Variants in MAF observed in about 807,000 individuals in gnomAD.
MAF encodes transcription factor Maf.
In MAF, 10 loss-of-function variants were observed where a neutral mutation model predicts 22.0. The observed-to-expected ratio is 0.45, with a 90% confidence interval of 0.28 to 0.77. The LOEUF is 0.77. Among genes scored for constraint, MAF ranks in the 30% least tolerant of loss-of-function variants. The pLI is 0.12. For missense variants in MAF, 544 were observed against 548.4 expected, an observed-to-expected ratio of 0.99 and a Z score of 0.08; for synonymous variants, 337 against 255.8, an observed-to-expected ratio of 1.32 and a Z score of -3.03.
the MAF span, among the ~76,000 whole-genome samples, chr16:79,422,960 A>G: frequency 0.39 from 59,791 of 151,780 alleles, 12,186 homozygotes; most frequent in East Asian, 0.73. Flanking sequence ...TGGAGTGACA[A>G]AGTGCCTGGA....
At chr16:79,542,050 A>G in the MAF span, among the ~76,000 whole-genome samples, 203 of 152,274 alleles carry the variant, frequency 1.3e-3, 1 homozygote, top group African/African-American at 4.3e-3. Flanking sequence ...ATAAAAAGCT[A>G]AGCTGGTTGG....
the MAF span, among the ~76,000 whole-genome samples, chr16:79,462,448 G>A: frequency 6.6e-6 from 1 of 151,814 alleles, no homozygotes; most frequent in Non-Finnish European, 1.5e-5. Flanking sequence ...CCATTGCTCT[G>A]AGTTTAATGT....
At chr16:79,526,137 G>A in the MAF span, among the ~76,000 whole-genome samples, 1,779 of 152,280 alleles carry the variant, frequency 0.012, 39 homozygotes, top group African/African-American at 0.041. Flanking sequence ...CACACCAACT[G>A]TCGGTTCTGA....
chr16:79,211,623 A>G, the MAF span: 1 of 1,614,126 alleles, frequency 6.2e-7, no homozygotes, highest in Non-Finnish European at 8.5e-7. Flanking sequence ...GGGAGCTGCC[A>G]CCACCGTGTA....
chr16:79,228,132 G>A, the MAF span, among the ~76,000 whole-genome samples: 1 of 152,038 alleles, frequency 6.6e-6, no homozygotes, highest in Non-Finnish European at 1.5e-5. Flanking sequence ...CCAACTCCTA[G>A]CCTCAAGTGA....
At chr16:79,452,789 ACCT>A in the MAF span, among the ~76,000 whole-genome samples, 1 of 152,028 alleles carries the variant, frequency 6.6e-6, no homozygotes, top group African/African-American at 2.4e-5. Context: ...CCCTGCTCAC[ACCT>A]CCTCCAGTTG....
chr16:79,466,225 C>T, the MAF span, among the ~76,000 whole-genome samples: 1 of 152,152 alleles, frequency 6.6e-6, no homozygotes, highest in African/African-American at 2.4e-5. Flanking sequence ...CCCTCTAGAC[C>T]CACCCTCTCA....
the MAF span, among the ~76,000 whole-genome samples, chr16:79,531,475 GAATT>G: frequency 5.3e-5 from 8 of 151,898 alleles, no homozygotes; most frequent in African/African-American, 1.5e-4. Context: ...AATATATAAT[GAATT>G]AATTATACAA....
the MAF span, among the ~76,000 whole-genome samples, chr16:79,396,924 G>C: frequency 6.6e-6 from 1 of 152,242 alleles, no homozygotes; most frequent in African/African-American, 2.4e-5. Flanking sequence ...CCCTAGCTCT[G>C]CAGTGGCCAG....
At chr16:79,507,343 C>T in the MAF span, among the ~76,000 whole-genome samples, 1 of 150,854 alleles carries the variant, frequency 6.6e-6, no homozygotes, top group East Asian at 2.0e-4. Flanking sequence ...GTCTTGATCT[C>T]CTGACATTGT....
At chr16:79,467,925 G>C in the MAF span, among the ~76,000 whole-genome samples, 2 of 151,964 alleles carry the variant, frequency 1.3e-5, no homozygotes, top group Non-Finnish European at 2.9e-5. Context: ...ATGATGCTTT[G>C]GGGGTGGTGG....
chr16:79,491,327 G>A, the MAF span, among the ~76,000 whole-genome samples: 31 of 152,258 alleles, frequency 2.0e-4, no homozygotes, highest in Non-Finnish European at 3.4e-4. Context: ...AAATTAACCA[G>A]AACTTAGATG....
the MAF span, among the ~76,000 whole-genome samples, chr16:79,579,595 C>G: frequency 6.6e-6 from 1 of 152,152 alleles, no homozygotes; most frequent in African/African-American, 2.4e-5. Flanking sequence ...AGAAAAGAAA[C>G]AATAAAAGGA....
chr16:79,259,515 C>T, the MAF span, among the ~76,000 whole-genome samples: 40 of 152,166 alleles, frequency 2.6e-4, no homozygotes, highest in African/African-American at 9.7e-4. Context: ...AAGTGCTTGT[C>T]CTTCATGGCC....
the MAF span, among the ~76,000 whole-genome samples, chr16:79,485,504 G>T: frequency 1.3e-5 from 2 of 152,150 alleles, no homozygotes; most frequent in Non-Finnish European, 2.9e-5. Flanking sequence ...TCTGATAACC[G>T]TCTCTGAGCC....
At chr16:79,216,141 G>A in the MAF span, among the ~76,000 whole-genome samples, 1 of 151,192 alleles carries the variant, frequency 6.6e-6, no homozygotes, top group African/African-American at 2.5e-5. Context: ...ATATGTATAT[G>A]TCATGCACAT....
the MAF span, among the ~76,000 whole-genome samples, chr16:79,299,065 C>G: frequency 6.6e-6 from 1 of 152,232 alleles, no homozygotes; most frequent in African/African-American, 2.4e-5. Context: ...CGGCAACAAG[C>G]CCCAACTGCT....
At chr16:79,238,170 A>G in the MAF span, among the ~76,000 whole-genome samples, 2 of 151,970 alleles carry the variant, frequency 1.3e-5, no homozygotes, top group South Asian at 2.1e-4. Context: ...ACAGAGCTCA[A>G]CCCTTGCCTC....
At chr16:79,462,878 G>C in the MAF span, among the ~76,000 whole-genome samples, 2 of 152,150 alleles carry the variant, frequency 1.3e-5, no homozygotes, top group African/African-American at 4.8e-5. Context: ...GGGGAAATAG[G>C]TAATAAACAA....
Sources: allele counts gnomAD v4.1 joint callset (sites outside exome capture counted in the v4.1 genomes callset), GRCh38; gene constraint gnomAD v4.1.1; transcripts MANE v1.5; gene names NCBI Gene and HGNC (gene_info 2026-07-23, HGNC 2026-07-21).